The following TNPO3 variants were observed in gnomAD, a reference collection of about 807,000 sequenced individuals.
TNPO3 encodes transportin 3.
A neutral mutation model predicts 122.8 loss-of-function variants in TNPO3; 65 were observed. That is an observed-to-expected ratio of 0.53 (90% CI 0.43 to 0.65). The LOEUF (loss-of-function observed/expected upper bound fraction) is 0.65. Ranked by LOEUF, TNPO3 falls within the 30% of genes least tolerant of loss-of-function variation. The pLI is 0.00. For missense variants in TNPO3, 850 were observed against 1,136.7 expected (o/e 0.75, Z 3.63); for synonymous variants, 372 against 411.2 (o/e 0.90, Z 1.15).
intron 1 of TNPO3, among the ~76,000 whole-genome samples, chr7:129,025,119 C>T (rs1429589783): frequency 6.6e-6 from 1 of 151,826 alleles, no homozygotes; most frequent in East Asian, 1.9e-4. Context: ...GAGGCCAAGG[C>T]GGGTGGATCA....
intron 1 of TNPO3, among the ~76,000 whole-genome samples, chr7:129,038,174 C>G (rs1806923708): frequency 6.6e-6 from 1 of 152,116 alleles, no homozygotes; most frequent in African/African-American, 2.4e-5. Context: ...GAGCAGACTT[C>G]TTGTCAACAA....
chr7:128,954,695 T>C lies in TNPO3; in HGVS notation c.*722A>G, dbSNP rs1015889130. On this transcript the variant is annotated 3_prime_UTR_variant, in exon 23 of 23. Coordinates refer to ENST00000265388, the MANE Select transcript of TNPO3 (RefSeq NM_012470.4). ...CCGAGCATCACCAATGTGACCACGA[T>C]AGAAAGCAGAACAAGTTCCTTGCTT... 1 of 152,678 alleles carries C rather than the reference T, an allele frequency of 6.5e-6. No individual in the cohort carries two copies. The highest frequency in any genetic ancestry group is 1.5e-5 in the Non-Finnish European group (1 of 68,428). The allele number at this position is 152,678 out of a possible 1,614,324, so 9.5% of individuals were successfully genotyped here.
chr7:128,992,126 A>G, intron 9 of TNPO3, 36 bp from the exon 10 acceptor site: 1 of 1,258,326 alleles, frequency 7.9e-7, no homozygotes, highest in Non-Finnish European at 1.1e-6. Flanking sequence ...ATCCATTAAA[A>G]GGAAAACAGA....
chr7:129,056,096 C>A (rs769193473), upstream of TNPO3: 8 of 1,116,590 alleles, frequency 7.2e-6, no homozygotes, highest in Non-Finnish European at 9.5e-6. Context: ...GGGAGCTCAT[C>A]GGCACTCAGA....
chr7:129,023,279 T>A (rs562584471), intron 1 of TNPO3, among the ~76,000 whole-genome samples: 104 of 152,144 alleles, frequency 6.8e-4, no homozygotes, highest in Non-Finnish European at 1.1e-3. Context: ...TATAAATTCA[T>A]GAGGTATTTT....
At chr7:129,016,934 G>T in intron 3 of TNPO3, 49 bp downstream of exon 3, 1 of 1,548,352 alleles carries the variant, frequency 6.5e-7, no homozygotes, top group Non-Finnish European at 8.9e-7. Flanking sequence ...CTCTGTGTAG[G>T]TTAATGGCAA....
At chr7:129,054,311 G>A (rs1415717240) in intron 1 of TNPO3, among the ~76,000 whole-genome samples, 3 of 152,176 alleles carry the variant, frequency 2.0e-5, no homozygotes, top group African/African-American at 7.2e-5. Flanking sequence ...AAACACTGGG[G>A]TTGGATTTGG....
chr7:129,028,231 A>G (rs1232990697), intron 1 of TNPO3, among the ~76,000 whole-genome samples: 1 of 152,202 alleles, frequency 6.6e-6, no homozygotes, highest in African/African-American at 2.4e-5. Flanking sequence ...TTTAGAAAAT[A>G]AAACAGAACA....
intron 12 of TNPO3, 67 bp from the exon 13 acceptor site, chr7:128,984,326 T>C: frequency 9.2e-7 from 1 of 1,085,654 alleles, no homozygotes; most frequent in Admixed American, 2.1e-5. Context: ...CTGGACTACA[T>C]CATGTGAGTG....
At chr7:128,988,432 T>C (rs1800397370) in intron 11 of TNPO3, among the ~76,000 whole-genome samples, 1 of 152,170 alleles carries the variant, frequency 6.6e-6, no homozygotes. Context: ...TCAAAAGACC[T>C]AGAATCTAGA....
At chr7:128,970,410 G>T (rs1232907409) in intron 19 of TNPO3, 95 bp from the exon 20 acceptor site, 5 of 1,265,990 alleles carry the variant, frequency 3.9e-6, no homozygotes, top group Non-Finnish European at 5.5e-6. Flanking sequence ...TCTTTAATAG[G>T]AAAGTGTGTG....
chr7:129,001,231 G>T lies in TNPO3; in HGVS notation c.700C>A (p.Gln234Lys), dbSNP rs748129754. The change falls in exon 6 of 23, where the codon CAG becomes AAG. Residue 234 changes from glutamine (Q) to lysine (K), a missense_variant. Transcript: ENST00000265388. ...TGTAGGTTAGACGAGGTCTTATCCTGTTGCTGGGGAGGTAGCAGGAATAGG... is the reference window on the plus strand; with the variant it reads ...TGTAGGTTAGACGAGGTCTTATCCTTTTGCTGGGGAGGTAGCAGGAATAGG... ...LLALLFEVLQ[Q>K]DKTSSNLHEA... is the part of the protein sequence containing the mutation. 6 of 1,597,004 alleles carry T rather than the reference G, an allele frequency of 3.8e-6. No homozygotes were observed. Among genetic ancestry groups the T allele is most frequent in the Non-Finnish European group, 3.4e-6 (4 of 1,167,072 alleles).
At chr7:129,033,906 C>CA (rs776103730) in intron 1 of TNPO3, among the ~76,000 whole-genome samples, 1,314 of 72,334 alleles carry the variant, frequency 0.018, 15 homozygotes, top group Middle Eastern at 0.026. Context: ...GAGCTAAACT[C>CA]AAAAAAAAAA....
intron 10 of TNPO3, among the ~76,000 whole-genome samples, chr7:128,991,616 C>T (rs1216399029): frequency 6.6e-6 from 1 of 152,150 alleles, no homozygotes; most frequent in Non-Finnish European, 1.5e-5. Flanking sequence ...GTAAGAATAA[C>T]TTACCCAAGG....
At chr7:129,038,528 T>C (rs1325780678) in intron 1 of TNPO3, among the ~76,000 whole-genome samples, 3 of 152,164 alleles carry the variant, frequency 2.0e-5, no homozygotes, top group African/African-American at 7.2e-5. Context: ...GACACATGCA[T>C]GCAAATGTTC....
intron 1 of TNPO3, among the ~76,000 whole-genome samples, chr7:129,038,753 T>C (rs2141169): frequency 0.015 from 2,326 of 152,336 alleles, 31 homozygotes; most frequent in Non-Finnish European, 0.025. Context: ...ATACCACATG[T>C]TCTTATTTAT....
intron 10 of TNPO3, 22 bp downstream of exon 10, chr7:128,991,976 CA>C: frequency 6.5e-7 from 1 of 1,530,224 alleles, no homozygotes. Context: ...GAGTTCCCAG[CA>C]AAAGACTTAT....
intron 1 of TNPO3, among the ~76,000 whole-genome samples, chr7:129,034,436 G>A (rs1022917048): frequency 6.6e-6 from 1 of 152,142 alleles, no homozygotes; most frequent in Non-Finnish European, 1.5e-5. Flanking sequence ...AGCCCAGGAT[G>A]CAGAGGTTGC....
intron 1 of TNPO3, among the ~76,000 whole-genome samples, chr7:129,023,978 G>C (rs1804822443): frequency 1.3e-5 from 2 of 152,156 alleles, no homozygotes; most frequent in African/African-American, 4.8e-5. Flanking sequence ...ACACAAAAAA[G>C]AATGAGGTGG....
Sources: gnomAD v4.1 joint callset for allele counts (sites outside exome capture counted in the v4.1 genomes callset) on GRCh38, gnomAD v4.1.1 for gene constraint, MANE v1.5 for transcripts, NCBI Gene and HGNC (gene_info 2026-07-23, HGNC 2026-07-21) for gene names.